MGAT4C: variants seen among roughly 807,000 people sequenced by gnomAD.
MGAT4C encodes alpha-1,3-mannosyl-glycoprotein 4-beta-N-acetylglucosaminyltransferase C.
A neutral mutation model predicts 40.1 loss-of-function variants in MGAT4C; 19 were observed. That is an observed-to-expected ratio of 0.47 (90% CI 0.33 to 0.70). The LOEUF (loss-of-function observed/expected upper bound fraction) is 0.70, where lower values mean the gene tolerates loss of function less well. Among genes scored for constraint, MGAT4C ranks in the 30% least tolerant of loss-of-function variants. The pLI is 0.02. For synonymous variants in MGAT4C, 181 were observed against 187.1 expected, an observed-to-expected ratio of 0.97 and a Z score of 0.27; for missense variants, 491 against 563.2, an observed-to-expected ratio of 0.87 and a Z score of 1.30.
At chr12:86,594,813 G>T (rs1178067209) in intron 2 of MGAT4C, among the ~76,000 whole-genome samples, 1 of 152,092 alleles carries the variant, frequency 6.6e-6, no homozygotes, top group African/African-American at 2.4e-5. Context: ...CAACAAAATT[G>T]GTTATTTGGT....
At chr12:86,471,069 G>A (rs570910365) in intron 2 of MGAT4C, among the ~76,000 whole-genome samples, 1 of 152,042 alleles carries the variant, frequency 6.6e-6, no homozygotes, top group South Asian at 2.1e-4. Flanking sequence ...TCAGGTGAAG[G>A]TAAACCAGAA....
intron 2 of MGAT4C, among the ~76,000 whole-genome samples, chr12:86,533,054 T>A (rs1959010623): frequency 6.6e-6 from 1 of 151,998 alleles, no homozygotes; most frequent in South Asian, 2.1e-4. Context: ...CTCAGATAGG[T>A]TATATAATTT....
chr12:86,649,164 A>G (rs1328582013), intron 2 of MGAT4C, among the ~76,000 whole-genome samples: 1 of 151,782 alleles, frequency 6.6e-6, no homozygotes, highest in Non-Finnish European at 1.5e-5. Context: ...TTGAGAACCT[A>G]CAAAAGTGTT....
At chr12:86,621,329 C>T (rs1230013154) in intron 2 of MGAT4C, among the ~76,000 whole-genome samples, 2 of 152,058 alleles carry the variant, frequency 1.3e-5, no homozygotes, top group Non-Finnish European at 2.9e-5. Context: ...ATTGTTTTTG[C>T]ATATTGAAAC....
intron 2 of MGAT4C, among the ~76,000 whole-genome samples, chr12:86,616,613 C>T (rs1593047236): frequency 6.6e-6 from 1 of 151,772 alleles, no homozygotes; most frequent in East Asian, 1.9e-4. Flanking sequence ...TCAAAAATAT[C>T]AACATTTTAC....
At position 85,969,717 on chromosome 12, in the gene MGAT4C, C is replaced by T. The variant is rs928615298; in HGVS notation, c.*9572G>A. On this transcript the variant is annotated 3_prime_UTR_variant, in exon 5 of 5. Coordinates refer to ENST00000611864, the MANE Select transcript of MGAT4C (RefSeq NM_001351288.2). Reference sequence around the variant, plus strand: ...ATAAATTATTATTATAGTTAGGAGGCAATGTATAATAGTGATAAGGGGCAT... The same window carrying T: ...ATAAATTATTATTATAGTTAGGAGGTAATGTATAATAGTGATAAGGGGCAT... The T allele has an allele frequency of 4.6e-5, 7 of 151,420 alleles. No individual in the cohort carries two copies. Among genetic ancestry groups the T allele is most frequent in the African/African-American group, 1.7e-4 (7 of 41,344 alleles). 9.4% of individuals were successfully genotyped at this position (151,420 alleles called of 1,614,324 possible).
At chr12:86,493,589 T>C (rs1381642515) in intron 2 of MGAT4C, among the ~76,000 whole-genome samples, 5 of 151,248 alleles carry the variant, frequency 3.3e-5, no homozygotes, top group East Asian at 2.0e-4. Flanking sequence ...TAGGTGGGAA[T>C]TGAACAATGA....
chr12:86,118,338 A>G (rs1346187071), intron 1 of MGAT4C, among the ~76,000 whole-genome samples: 2 of 152,184 alleles, frequency 1.3e-5, no homozygotes, highest in African/African-American at 4.8e-5. Flanking sequence ...ATGACAAAAA[A>G]TTCTGGGAGG....
At chr12:86,747,753 A>G (rs1255333556) in intron 1 of MGAT4C, among the ~76,000 whole-genome samples, 2 of 151,656 alleles carry the variant, frequency 1.3e-5, no homozygotes, top group Non-Finnish European at 3.0e-5. Flanking sequence ...TTTTATGTTC[A>G]GTGGTAGCTG....
chr12:86,505,529 T>G (rs1347026919), intron 2 of MGAT4C, among the ~76,000 whole-genome samples: 1 of 152,216 alleles, frequency 6.6e-6, no homozygotes, highest in Non-Finnish European at 1.5e-5. Context: ...TCCCTCTTCC[T>G]AAATAAATTC....
intron 1 of MGAT4C, among the ~76,000 whole-genome samples, chr12:86,072,823 A>G (rs919017967): frequency 6.6e-6 from 1 of 152,192 alleles, no homozygotes; most frequent in African/African-American, 2.4e-5. Context: ...TATGAAAATT[A>G]TCTAGTTTCT....
chr12:86,556,497 C>A (rs2136402846), intron 2 of MGAT4C, among the ~76,000 whole-genome samples: 1 of 151,792 alleles, frequency 6.6e-6, no homozygotes, highest in East Asian at 1.9e-4. Flanking sequence ...GAAAGATAGT[C>A]AATGTTTAGG....
At chr12:86,557,828 A>T (rs905617914) in intron 2 of MGAT4C, among the ~76,000 whole-genome samples, 2 of 152,194 alleles carry the variant, frequency 1.3e-5, no homozygotes, top group Admixed American at 6.5e-5. Context: ...GCAAGGAAAC[A>T]TGACAACTCC....
intron 2 of MGAT4C, among the ~76,000 whole-genome samples, chr12:86,562,815 G>T (rs1045540772): frequency 6.6e-6 from 1 of 152,170 alleles, no homozygotes; most frequent in African/African-American, 2.4e-5. Flanking sequence ...ATGGTAGAAA[G>T]AACATAAAGT....
intron 1 of MGAT4C, among the ~76,000 whole-genome samples, chr12:86,087,901 C>T (rs1872181217): frequency 6.6e-6 from 1 of 151,754 alleles, no homozygotes; most frequent in Non-Finnish European, 1.5e-5. Flanking sequence ...TCATATGGAA[C>T]CAAAAAAGAG....
At chr12:86,460,455 G>A (rs1957581030) in intron 2 of MGAT4C, among the ~76,000 whole-genome samples, 1 of 152,100 alleles carries the variant, frequency 6.6e-6, no homozygotes, top group East Asian at 1.9e-4. Flanking sequence ...ATTGTTGTAA[G>A]TAAAACATAA....
chr12:86,372,642 C>T (rs995006834), intron 3 of MGAT4C, among the ~76,000 whole-genome samples: 5 of 151,728 alleles, frequency 3.3e-5, no homozygotes, highest in Admixed American at 1.3e-4. Flanking sequence ...ATGGTAGTGG[C>T]AATCTAAAAA....
chr12:86,263,365 A>G (rs1190227153), intron 4 of MGAT4C, among the ~76,000 whole-genome samples: 1 of 152,048 alleles, frequency 6.6e-6, no homozygotes, highest in Non-Finnish European at 1.5e-5. Context: ...ATTATCTATC[A>G]TTATACTCTC....
chr12:86,471,640 G>A (rs1035733235), intron 2 of MGAT4C, among the ~76,000 whole-genome samples: 3 of 152,026 alleles, frequency 2.0e-5, no homozygotes, highest in Admixed American at 6.6e-5. Context: ...AATTAAGTCC[G>A]TGATGTGAGA....
Sources: gnomAD v4.1 joint callset for allele counts (sites outside exome capture counted in the v4.1 genomes callset) on GRCh38, gnomAD v4.1.1 for gene constraint, MANE v1.5 for transcripts, NCBI Gene and HGNC (gene_info 2026-07-23, HGNC 2026-07-21) for gene names.